Variants in MAP4 observed in about 807,000 individuals in gnomAD.
MAP4 encodes microtubule associated protein 4, also known as microtubule-associated protein 4.
Under a neutral mutation model 170.2 loss-of-function variants are expected in MAP4, and 76 were observed. The ratio of observed to expected loss-of-function variants is 0.45; its 90% CI spans 0.37 to 0.54. The LOEUF (loss-of-function observed/expected upper bound fraction) is 0.54, where lower values mean the gene tolerates loss of function less well. Ranked by LOEUF, MAP4 falls within the 20% of genes least tolerant of loss-of-function variation. The pLI, the probability that MAP4 is intolerant of heterozygous loss-of-function variation, is 0.00. For missense variants in MAP4, 2,506 were observed against 2,748.0 expected, an observed-to-expected ratio of 0.91 and a Z score of 1.97; for synonymous variants, 909 against 994.5, an observed-to-expected ratio of 0.91 and a Z score of 1.62.
At chr3:48,087,852 G>A (rs2100150135) in intron 1 of MAP4, among the ~76,000 whole-genome samples, 1 of 151,966 alleles carries the variant, frequency 6.6e-6, no homozygotes, top group South Asian at 2.1e-4. Flanking sequence ...ACTGTAACAG[G>A]ACCAGAGAAG....
At chr3:48,046,626 T>A (rs2100124697) in intron 1 of MAP4, among the ~76,000 whole-genome samples, 1 of 152,194 alleles carries the variant, frequency 6.6e-6, no homozygotes, top group Non-Finnish European at 1.5e-5. Context: ...GGTGGCTCTT[T>A]CATTGTTGAA....
At chr3:47,921,692 A>G (rs895092693) in intron 5 of MAP4, 73 bp downstream of exon 5, 8 of 786,918 alleles carry the variant, frequency 1.0e-5, no homozygotes, top group Non-Finnish European at 1.8e-5. Context: ...AGCCCTAGTC[A>G]GTGAACCAAA....
intron 1 of MAP4, among the ~76,000 whole-genome samples, chr3:48,054,747 G>T (rs2100129809): frequency 6.6e-6 from 1 of 150,836 alleles, no homozygotes; most frequent in Non-Finnish European, 1.5e-5. Flanking sequence ...AGCAGAGGTT[G>T]CAGTGAGCCA....
At chr3:47,863,198 A>G (rs1017932280) in intron 17 of MAP4, among the ~76,000 whole-genome samples, 1 of 151,210 alleles carries the variant, frequency 6.6e-6, no homozygotes, top group Non-Finnish European at 1.5e-5. Context: ...CTGGTCTTGA[A>G]CTCCCGACCT....
intron 12 of MAP4, among the ~76,000 whole-genome samples, chr3:47,875,146 AC>A (rs946636597): frequency 6.6e-6 from 1 of 152,262 alleles, no homozygotes; most frequent in African/African-American, 2.4e-5. Context: ...TCATGCTGGA[AC>A]ATGCTGAGAT....
intron 17 of MAP4, among the ~76,000 whole-genome samples, chr3:47,861,541 C>T (rs1034877964): frequency 2.0e-5 from 3 of 150,808 alleles, no homozygotes; most frequent in Non-Finnish European, 3.0e-5. Flanking sequence ...TTAGTAGAGC[C>T]GGGGTTTCAC....
chr3:47,861,635 G>A (rs1378275532), intron 17 of MAP4, among the ~76,000 whole-genome samples: 3 of 151,102 alleles, frequency 2.0e-5, no homozygotes, highest in African/African-American at 7.3e-5. Context: ...ACAGGTGTGA[G>A]CCACCACGCC....
chr3:48,052,494 T>G (rs2100128467), intron 1 of MAP4, among the ~76,000 whole-genome samples: 1 of 152,198 alleles, frequency 6.6e-6, no homozygotes, highest in Admixed American at 6.5e-5. Context: ...AGTGCTGGGA[T>G]TACTGGTGTG....
At chr3:47,998,221 C>T (rs551950813) in intron 2 of MAP4, among the ~76,000 whole-genome samples, 1 of 152,288 alleles carries the variant, frequency 6.6e-6, no homozygotes, top group African/African-American at 2.4e-5. Context: ...GCAAATTTCT[C>T]TTAAAGGCTT....
chr3:47,990,588 C>T (rs2100091559), intron 2 of MAP4, among the ~76,000 whole-genome samples: 1 of 152,162 alleles, frequency 6.6e-6, no homozygotes, highest in Non-Finnish European at 1.5e-5. Context: ...TATTTAATCA[C>T]ACAGAGAACA....
In MAP4 at chr3:47,928,350, C is replaced by G; in HGVS notation, c.293G>C (p.Gly98Ala). Residue 98 changes from glycine (G) to alanine (A), a missense_variant and splice_region_variant, in exon 4 of 21, where the codon GGG (glycine) becomes GCG (alanine). Around this residue, in one of 3 missense-constraint regions of MAP4, gnomAD observed 2,008 missense variants for 2,206.0 expected, o/e 0.91. Coordinates refer to ENST00000683076, the MANE Select transcript of MAP4 (RefSeq NM_001385682.1). ...GHGVEGSDTT[G>A]SPTEFLEEKM... ...CTCTTCAAGGAATTCAGTTGGAGAC[C>G]CTTAAAATAGAGACACAAAACAAAA... 2 of 1,613,660 alleles carry G rather than the reference C, an allele frequency of 1.2e-6. No homozygotes were observed. Among genetic ancestry groups the G allele is most frequent in the Non-Finnish European group, 1.7e-6 (2 of 1,179,870 alleles).
intron 3 of MAP4, among the ~76,000 whole-genome samples, chr3:47,936,042 A>C (rs530170560): frequency 1.3e-5 from 2 of 152,090 alleles, no homozygotes; most frequent in South Asian, 4.2e-4. Context: ...CATCTTTCTC[A>C]ACCCTGAAAG....
At chr3:48,064,219 C>T (rs1283393761) in intron 1 of MAP4, among the ~76,000 whole-genome samples, 1 of 152,196 alleles carries the variant, frequency 6.6e-6, no homozygotes, top group Non-Finnish European at 1.5e-5. Flanking sequence ...CCCTAAATTA[C>T]TCCTGGGGAT....
chr3:48,060,399 C>T, intron 1 of MAP4, among the ~76,000 whole-genome samples: 1 of 151,762 alleles, frequency 6.6e-6, no homozygotes, highest in East Asian at 1.9e-4. Flanking sequence ...CTATAAAACT[C>T]CTAGAGGATA....
At chr3:48,078,814 T>C (rs2100145145) in intron 1 of MAP4, among the ~76,000 whole-genome samples, 2 of 152,312 alleles carry the variant, frequency 1.3e-5, no homozygotes, top group East Asian at 3.9e-4. Context: ...TGGATTTCTA[T>C]TCCTAAAAGA....
intron 1 of MAP4, among the ~76,000 whole-genome samples, chr3:48,077,383 T>C (rs960552295): frequency 2.7e-5 from 4 of 149,740 alleles, no homozygotes; most frequent in African/African-American, 9.8e-5. Context: ...GAGGCGGAGG[T>C]TGCCATGAGC....
rs1051548471 is a variant in MAP4, at chr3:47,945,212, C to G, written c.293-16862G>C. Reference sequence around the variant, plus strand: ...ACTAAAAATACAAAAATTAGCCAGGCATGGTGGCATGCGACTGCAGTCCCA... The same window carrying G: ...ACTAAAAATACAAAAATTAGCCAGGGATGGTGGCATGCGACTGCAGTCCCA... On this transcript the variant is annotated intron_variant, in intron 3 of 20. Coordinates refer to ENST00000683076, the MANE Select transcript of MAP4 (RefSeq NM_001385682.1). 2.0e-5 allele frequency among the ~76,000 whole-genome samples: 3 copies of G among 151,846 alleles called. 1 individual carries two copies. The highest frequency in any genetic ancestry group is 4.4e-5 in the Non-Finnish European group (3 of 67,922).
At chr3:47,881,869 G>A (rs1445058769) in intron 10 of MAP4, among the ~76,000 whole-genome samples, 1 of 152,040 alleles carries the variant, frequency 6.6e-6, no homozygotes, top group Non-Finnish European at 1.5e-5. Flanking sequence ...GCCTCCTAAA[G>A]GGATTACAAG....
At chr3:47,996,563 G>C (rs753647019) in intron 2 of MAP4, among the ~76,000 whole-genome samples, 19 of 152,146 alleles carry the variant, frequency 1.2e-4, no homozygotes, top group Non-Finnish European at 2.9e-5. Context: ...TAGAATTAAA[G>C]GGATTGAAGA....
Sources: allele counts gnomAD v4.1 joint callset (sites outside exome capture counted in the v4.1 genomes callset), GRCh38; gene constraint gnomAD v4.1.1; regional missense constraint gnomAD v4.1.1; transcripts MANE v1.5; gene names NCBI Gene and HGNC (gene_info 2026-07-23, HGNC 2026-07-21).